Variants in RABGAP1L observed in about 807,000 individuals in gnomAD.
RABGAP1L encodes rab GTPase-activating protein 1-like.
A neutral mutation model predicts 137.7 loss-of-function variants in RABGAP1L; 63 were observed. The ratio of observed to expected loss-of-function variants is 0.46; its 90% CI spans 0.37 to 0.56. The LOEUF (loss-of-function observed/expected upper bound fraction) is 0.56, where lower values mean the gene tolerates loss of function less well. RABGAP1L is among the 20% of genes least tolerant of loss of function. The pLI is 0.00. For synonymous variants in RABGAP1L, 431 were observed against 433.7 expected, an observed-to-expected ratio of 0.99 and a Z score of 0.08; for missense variants, 1,095 against 1,244.0, an observed-to-expected ratio of 0.88 and a Z score of 1.80.
intron 17 of RABGAP1L, among the ~76,000 whole-genome samples, chr1:174,732,833 G>T (rs1318244360): frequency 6.6e-6 from 1 of 152,094 alleles, no homozygotes; most frequent in Admixed American, 6.5e-5. Context: ...CCAAAGGCAC[G>T]AATGGATGCA....
At chr1:174,292,253 A>G (rs994397787) in intron 10 of RABGAP1L, among the ~76,000 whole-genome samples, 6 of 147,710 alleles carry the variant, frequency 4.1e-5, no homozygotes, top group African/African-American at 1.5e-4. Flanking sequence ...CTGGTCTCAA[A>G]TTGCTCAAGC....
chr1:174,979,652 C>G (rs571126184), intron 23 of RABGAP1L, among the ~76,000 whole-genome samples: 7 of 152,206 alleles, frequency 4.6e-5, no homozygotes, highest in African/African-American at 1.7e-4. Flanking sequence ...TGGCCTTCCC[C>G]TCTGCAGGCC....
At chr1:174,215,755 C>A (rs1450140651) in intron 1 of RABGAP1L, among the ~76,000 whole-genome samples, 2 of 152,130 alleles carry the variant, frequency 1.3e-5, no homozygotes, top group African/African-American at 2.4e-5. Flanking sequence ...CTATGAAGAA[C>A]AGTTTATATG....
intron 11 of RABGAP1L, among the ~76,000 whole-genome samples, chr1:174,325,113 C>T (rs748671699): frequency 5.3e-5 from 8 of 152,138 alleles, no homozygotes; most frequent in Non-Finnish European, 1.0e-4. Context: ...AAAGGAAGAA[C>T]TAAAAATAGA....
At chr1:174,268,181 C>T (rs1674232354) in intron 7 of RABGAP1L, among the ~76,000 whole-genome samples, 1 of 150,822 alleles carries the variant, frequency 6.6e-6, no homozygotes, top group African/African-American at 2.4e-5. Flanking sequence ...TTTTCCCTTT[C>T]TATTATGCTG....
At chr1:174,671,226 T>C (rs575319202) in intron 14 of RABGAP1L, among the ~76,000 whole-genome samples, 24 of 152,364 alleles carry the variant, frequency 1.6e-4, no homozygotes, top group East Asian at 5.8e-4. Context: ...TCTAAGATTT[T>C]TGGTACAGTC....
At chr1:174,379,474 T>G (rs1253048774) in intron 12 of RABGAP1L, among the ~76,000 whole-genome samples, 1 of 138,882 alleles carries the variant, frequency 7.2e-6, no homozygotes, top group Non-Finnish European at 1.5e-5. Context: ...GAGCAGTGGT[T>G]TGTAGTTCTC....
intron 13 of RABGAP1L, among the ~76,000 whole-genome samples, chr1:174,473,632 G>A (rs1367029641): frequency 1.3e-5 from 2 of 152,116 alleles, no homozygotes; most frequent in South Asian, 4.1e-4. Context: ...TATGGTTTGA[G>A]GTAAGCATAA....
chr1:174,437,695 T>C (rs1250966675), intron 13 of RABGAP1L, among the ~76,000 whole-genome samples: 1 of 151,972 alleles, frequency 6.6e-6, no homozygotes. Flanking sequence ...CAGACCAACA[T>C]TCAAATTCAG....
At chr1:174,296,186 G>T (rs1338237336) in intron 10 of RABGAP1L, among the ~76,000 whole-genome samples, 3 of 152,146 alleles carry the variant, frequency 2.0e-5, no homozygotes, top group African/African-American at 7.2e-5. Flanking sequence ...CTTATTTAGG[G>T]ATTTAATTGG....
chr1:174,774,995 A>T (rs1312372043), intron 18 of RABGAP1L, among the ~76,000 whole-genome samples: 1 of 152,262 alleles, frequency 6.6e-6, no homozygotes, highest in Non-Finnish European at 1.5e-5. Flanking sequence ...GCTCAGTTAC[A>T]TAAGATCACT....
chr1:174,943,201 T>A (rs934272109), intron 19 of RABGAP1L, among the ~76,000 whole-genome samples: 6 of 152,234 alleles, frequency 3.9e-5, no homozygotes, highest in Non-Finnish European at 8.8e-5. Context: ...GTGTGACCTG[T>A]GCAGTCACAT....
chr1:174,578,351 A>AT (rs1409625964), intron 13 of RABGAP1L, among the ~76,000 whole-genome samples: 5 of 152,122 alleles, frequency 3.3e-5, no homozygotes, highest in Admixed American at 2.6e-4. Context: ...TGCCCTGCTA[A>AT]TTTTTTGATT....
intron 13 of RABGAP1L, among the ~76,000 whole-genome samples, chr1:174,490,901 A>G (rs139591450): frequency 3.3e-5 from 5 of 152,192 alleles, no homozygotes; most frequent in African/African-American, 1.2e-4. Context: ...GTTCATTTAA[A>G]GCCCAAGTGC....
chr1:174,934,214 A>G (rs1664337772), intron 19 of RABGAP1L, among the ~76,000 whole-genome samples: 2 of 151,790 alleles, frequency 1.3e-5, no homozygotes, highest in Non-Finnish European at 2.9e-5. Flanking sequence ...TCAGCCTCCC[A>G]AGTAGCTGGG....
chr1:174,222,557 G>A (rs997827398), intron 3 of RABGAP1L, among the ~76,000 whole-genome samples: 1 of 152,136 alleles, frequency 6.6e-6, no homozygotes, highest in Admixed American at 6.5e-5. Flanking sequence ...ACATGTATAT[G>A]CACATGTAAA....
At chr1:174,674,647 C>A (rs1304974071) in intron 14 of RABGAP1L, among the ~76,000 whole-genome samples, 3 of 150,548 alleles carry the variant, frequency 2.0e-5, no homozygotes, top group Non-Finnish European at 4.4e-5. Context: ...GTTCTAGATC[C>A]CTGAGGAATC....
At chr1:174,906,470 A>C (rs1028454297) in intron 19 of RABGAP1L, among the ~76,000 whole-genome samples, 7 of 152,102 alleles carry the variant, frequency 4.6e-5, no homozygotes, top group Non-Finnish European at 5.9e-5. Flanking sequence ...TCTACTAAAA[A>C]TACAAAAATT....
chr1:174,675,204 G>T (rs1487155998), intron 14 of RABGAP1L, among the ~76,000 whole-genome samples: 2 of 152,084 alleles, frequency 1.3e-5, no homozygotes, highest in African/African-American at 2.4e-5. Flanking sequence ...TTTTCTTCTA[G>T]GGTTTTTATG....
Sources: allele counts gnomAD v4.1 joint callset (sites outside exome capture counted in the v4.1 genomes callset), GRCh38; gene constraint gnomAD v4.1.1; transcripts MANE v1.5; gene names NCBI Gene and HGNC (gene_info 2026-07-23, HGNC 2026-07-21).